NR3C1: variants seen among roughly 807,000 people sequenced by gnomAD.
NR3C1 encodes nuclear receptor subfamily 3 group C member 1.
Under a neutral mutation model 74.0 loss-of-function variants are expected in NR3C1, and 14 were observed. The ratio of observed to expected loss-of-function variants is 0.19; its 90% CI spans 0.12 to 0.30. The LOEUF is 0.30. Ranked by LOEUF, NR3C1 falls within the 10% of genes least tolerant of loss-of-function variation. The pLI is 1.00. For missense variants in NR3C1, 695 were observed against 909.8 expected (o/e 0.76, Z 3.04); for synonymous variants, 308 against 332.5 (o/e 0.93, Z 0.80).
chr5:143,298,652 C>A lies in NR3C1; in HGVS notation c.1892+16G>T. On this transcript the variant is annotated intron_variant, in intron 6 of 8. Transcript: ENST00000394464. Reference sequence around the variant, plus strand: ...TACCCTATGAATACAGGGAAAATGACACACATACAACTTACTCATTAATAA... The same window carrying A: ...TACCCTATGAATACAGGGAAAATGAAACACATACAACTTACTCATTAATAA... The A allele has an allele frequency of 6.2e-7, 1 of 1,611,422 alleles. No individual in the cohort carries two copies. The highest frequency in any genetic ancestry group is 8.5e-7 in the Non-Finnish European group (1 of 1,178,410).
intron 2 of NR3C1, chr5:143,390,126 G>A (rs1191516588): frequency 6.4e-6 from 1 of 156,718 alleles, no homozygotes; most frequent in African/African-American, 2.4e-5. Flanking sequence ...CAAAGATTAG[G>A]ATCCATTTTA....
At position 143,279,296 on chromosome 5, in the gene NR3C1, A is replaced by C. The variant is rs1812761379; in HGVS notation, c.*2593T>G. On this transcript the variant is annotated 3_prime_UTR_variant, in exon 9 of 9. Transcript: ENST00000394464. The stretch of plus-strand genomic sequence containing the variant: ...ATCAGTTGACTTATTATTGACAACG[A>C]AGTGCACATAATCTTCTTTTTCTCA... 1.3e-6 allele frequency: 2 copies of C among 1,517,682 alleles called. No homozygotes were observed. Among genetic ancestry groups the C allele is most frequent in the South Asian group, 2.6e-5 (2 of 77,716 alleles). The allele number at this position is 1,517,682 out of a possible 1,614,324, so 94.0% of individuals were successfully genotyped here.
intron 2 of NR3C1, among the ~76,000 whole-genome samples, chr5:143,360,282 A>C (rs2151818279): frequency 6.6e-6 from 1 of 152,374 alleles, no homozygotes; most frequent in South Asian, 2.1e-4. Context: ...TGTAAACTTA[A>C]TAAAAGTACT....
chr5:143,364,149 G>A (rs1005994897), intron 2 of NR3C1, among the ~76,000 whole-genome samples: 8 of 152,128 alleles, frequency 5.3e-5, no homozygotes, highest in African/African-American at 1.9e-4. Context: ...AGCACGACAA[G>A]CAAGTCATTA....
At chr5:143,377,036 A>G (rs1196117641) in intron 2 of NR3C1, among the ~76,000 whole-genome samples, 1 of 152,140 alleles carries the variant, frequency 6.6e-6, no homozygotes, top group Non-Finnish European at 1.5e-5. Context: ...TTTTGTCTCA[A>G]AGTATCTCTC....
intron 1 of NR3C1, among the ~76,000 whole-genome samples, chr5:143,423,943 T>C (rs1751372233): frequency 7.3e-6 from 1 of 137,912 alleles, no homozygotes; most frequent in Admixed American, 7.3e-5. Flanking sequence ...CTGGGAAGGG[T>C]AGTGGGGAGG....
intron 2 of NR3C1, among the ~76,000 whole-genome samples, chr5:143,376,725 C>G (rs996808114): frequency 5.9e-5 from 9 of 152,192 alleles, no homozygotes; most frequent in African/African-American, 2.2e-4. Flanking sequence ...GACCCTGTAA[C>G]TCTTAAATGG....
chr5:143,337,468 A>G (rs1158208232), intron 2 of NR3C1, among the ~76,000 whole-genome samples: 1 of 152,230 alleles, frequency 6.6e-6, no homozygotes, highest in Non-Finnish European at 1.5e-5. Context: ...ATAGATATGT[A>G]TTCAAAAAGA....
chr5:143,419,977 C>T (rs921091651), intron 1 of NR3C1, among the ~76,000 whole-genome samples: 7 of 152,148 alleles, frequency 4.6e-5, no homozygotes, highest in African/African-American at 1.7e-4. Context: ...GGGGCATATT[C>T]TCTTTCTCAG....
At chr5:143,421,740 C>A (rs1751243434) in intron 1 of NR3C1, among the ~76,000 whole-genome samples, 1 of 151,666 alleles carries the variant, frequency 6.6e-6, no homozygotes, top group African/African-American at 2.4e-5. Flanking sequence ...TGCAGTGAGC[C>A]AAGCTCACAC....
At chr5:143,376,343 C>CTTAT (rs765057237) in intron 2 of NR3C1, among the ~76,000 whole-genome samples, 3 of 152,150 alleles carry the variant, frequency 2.0e-5, no homozygotes, top group Admixed American at 1.3e-4. Context: ...GACACAGACA[C>CTTAT]CTAAGCAGGG....
At chr5:143,387,029 A>C (rs78125788) in intron 2 of NR3C1, among the ~76,000 whole-genome samples, 1 of 152,256 alleles carries the variant, frequency 6.6e-6, no homozygotes. Flanking sequence ...AGTAGACTGC[A>C]GAATGAATTA....
intron 7 of NR3C1, among the ~76,000 whole-genome samples, chr5:143,287,704 GA>G (rs1247967304): frequency 1.3e-5 from 2 of 152,088 alleles, no homozygotes; most frequent in Non-Finnish European, 2.9e-5. Context: ...CACAAGAAAA[GA>G]AAGTTGTAGA....
At chr5:143,282,861 C>T in intron 7 of NR3C1, 136 bp from the exon 8 acceptor site, 1 of 854,172 alleles carries the variant, frequency 1.2e-6, no homozygotes, top group Non-Finnish European at 1.8e-6. Flanking sequence ...CTCACTGGAG[C>T]CTTGACCTCC....
At chr5:143,332,732 C>T (rs1306217138) in intron 2 of NR3C1, 3 of 1,587,340 alleles carry the variant, frequency 1.9e-6, no homozygotes, top group Non-Finnish European at 2.6e-6. Flanking sequence ...AACCTCATGC[C>T]TTGGAATTGC....
At chr5:143,385,519 C>A (rs1326387901) in intron 2 of NR3C1, among the ~76,000 whole-genome samples, 5 of 152,208 alleles carry the variant, frequency 3.3e-5, no homozygotes, top group African/African-American at 1.2e-4. Flanking sequence ...TTGTTAGGAG[C>A]AGCCAGGCCA....
intron 2 of NR3C1, among the ~76,000 whole-genome samples, chr5:143,326,176 T>C (rs1380895646): frequency 6.6e-6 from 1 of 152,246 alleles, no homozygotes; most frequent in Non-Finnish European, 1.5e-5. Context: ...CTCTGCCTAA[T>C]TCCAAAATCT....
In NR3C1 at chr5:143,300,860, T is replaced by A; in HGVS notation, c.1469-97A>T. The A allele has an allele frequency of 8.6e-7, 1 of 1,169,290 alleles. No homozygotes were observed. The highest frequency in any genetic ancestry group is 1.2e-6 in the Non-Finnish European group (1 of 831,902). 72.4% of individuals were successfully genotyped at this position (1,169,290 alleles called of 1,614,324 possible). On this transcript the variant is annotated intron_variant, in intron 4 of 8. Coordinates refer to ENST00000394464, the MANE Select transcript of NR3C1 (RefSeq NM_000176.3). This position sits in a 1 kb window ranked among gnomAD's most constrained non-coding sequence, Gnocchi z 5.2. ...AAGTATTTTTACTTTCTAAAACTAT[T>A]AAGATGGGAGAAATATTTTATTTAG...
intron 2 of NR3C1, among the ~76,000 whole-genome samples, chr5:143,320,368 T>C (rs1823098512): frequency 6.6e-6 from 1 of 152,198 alleles, no homozygotes; most frequent in Non-Finnish European, 1.5e-5. Flanking sequence ...CTTATTAAGA[T>C]AGTTCATCCA....
Sources: gnomAD v4.1 joint callset for allele counts (sites outside exome capture counted in the v4.1 genomes callset) on GRCh38, gnomAD v4.1.1 for gene constraint, Gnocchi (gnomAD v3.1) non-coding constraint, MANE v1.5 for transcripts, NCBI Gene and HGNC (gene_info 2026-07-23, HGNC 2026-07-21) for gene names.